TDRD12: variants seen among roughly 807,000 people sequenced by gnomAD.
TDRD12 encodes tudor domain containing 12.
TDRD12 carries 158 observed loss-of-function variants against 133.5 expected under a neutral mutation model. The observed-to-expected ratio is 1.18, with a 90% CI of 1.04 to 1.35. The LOEUF (loss-of-function observed/expected upper bound fraction) is 1.35, where lower values mean the gene tolerates loss of function less well. Among genes scored for constraint, TDRD12 ranks in the 40% most tolerant of loss-of-function variants. The pLI, the probability that TDRD12 is intolerant of heterozygous loss-of-function variation, is 0.00. For synonymous variants in TDRD12, 460 were observed against 477.9 expected, an observed-to-expected ratio of 0.96 and a Z score of 0.49; for missense variants, 1,443 against 1,321.3, an observed-to-expected ratio of 1.09 and a Z score of -1.43.
At chr19:32,791,102 A>G (rs1413046626) in intron 13 of TDRD12, 34 bp downstream of exon 13, 1 of 1,516,522 alleles carries the variant, frequency 6.6e-7, no homozygotes, top group African/African-American at 1.4e-5. Context: ...TTTATCAAGA[A>G]TGCCAACTTT....
Position 32,748,904 on chromosome 19 carries a change from T to C in TDRD12, c.496+373T>C, listed in dbSNP as rs531368158. On this transcript the variant is annotated intron_variant, in intron 5 of 27. Coordinates refer to ENST00000444215, the Ensembl canonical transcript of TDRD12. ...TTTTTAGTGAGCAAGAGATAGTAAA[T>C]GGATATTTATTGTGTAATATTCATT... is the stretch of plus-strand genomic sequence containing the variant. Among the ~76,000 whole-genome samples, 79 of 152,354 alleles carry C rather than the reference T, an allele frequency of 5.2e-4. 1 individual carries two copies. The South Asian group carries it at 0.016, about 30-fold the overall frequency.
intron 14 of TDRD12, among the ~76,000 whole-genome samples, chr19:32,795,434 T>C (rs1322084135): frequency 6.6e-6 from 1 of 151,756 alleles, no homozygotes. Context: ...AGTAGCAGCA[T>C]GAGATGGGCA....
chr19:32,789,839 TA>T (rs1185794800), intron 11 of TDRD12, among the ~76,000 whole-genome samples: 1 of 152,044 alleles, frequency 6.6e-6, no homozygotes, highest in Non-Finnish European at 1.5e-5. Flanking sequence ...CTGTCTCTAC[TA>T]AAAATACAGA....
At chr19:32,724,155 C>A (rs918762684) in intron 1 of TDRD12, among the ~76,000 whole-genome samples, 1 of 152,148 alleles carries the variant, frequency 6.6e-6, no homozygotes, top group African/African-American at 2.4e-5. Context: ...GCCACCACTC[C>A]CAGCCTTTTT....
chr19:32,733,953 G>A (rs899682816), intron 2 of TDRD12, among the ~76,000 whole-genome samples: 1 of 149,794 alleles, frequency 6.7e-6, no homozygotes, highest in Non-Finnish European at 1.5e-5. Context: ...GTACAGTGGC[G>A]CCATCTCTGC....
intron 6 of TDRD12, among the ~76,000 whole-genome samples, chr19:32,755,128 A>G (rs57263683): frequency 4.0e-5 from 6 of 151,862 alleles, no homozygotes; most frequent in Admixed American, 3.9e-4. Flanking sequence ...GTCCTCTTCC[A>G]TTGTGTGGAT....
exon 27 of TDRD12, chr19:32,818,104 G>A (rs1967245671): frequency 2.8e-6 from 2 of 702,864 alleles, no homozygotes; most frequent in Non-Finnish European, 5.2e-6. Flanking sequence ...GGGTGACAGG[G>A]ACCAGTCCTG....
At chr19:32,746,589 T>TGA (rs1969640884) in intron 4 of TDRD12, among the ~76,000 whole-genome samples, 2 of 83,716 alleles carry the variant, frequency 2.4e-5, no homozygotes, top group African/African-American at 9.5e-5. Flanking sequence ...AGAGAGAGAG[T>TGA]CTGGCTGATG....
intron 23 of TDRD12, 136 bp downstream of exon 23, chr19:32,810,413 T>C (rs1298739756): frequency 1.1e-5 from 7 of 666,176 alleles, no homozygotes; most frequent in Non-Finnish European, 1.7e-5. Flanking sequence ...TCCCCCCAGA[T>C]GCCTGCTCCA....
At chr19:32,774,002 G>A (rs956181228) in intron 10 of TDRD12, among the ~76,000 whole-genome samples, 6 of 152,194 alleles carry the variant, frequency 3.9e-5, no homozygotes, top group Non-Finnish European at 8.8e-5. Flanking sequence ...ATGGCCTCAC[G>A]TGGCCAGATG....
chr19:32,760,625 G>A (rs1970123841), intron 8 of TDRD12, among the ~76,000 whole-genome samples: 1 of 152,082 alleles, frequency 6.6e-6, no homozygotes. Flanking sequence ...TAAAATAATT[G>A]TGTATATTTT....
chr19:32,732,831 C>T (rs1223532696), intron 2 of TDRD12, among the ~76,000 whole-genome samples: 2 of 152,182 alleles, frequency 1.3e-5, no homozygotes, highest in African/African-American at 4.8e-5. Context: ...GTTTCCACGC[C>T]ATTGACTAAT....
At chr19:32,798,584 A>G (rs1971297128) in intron 16 of TDRD12, 149 bp downstream of exon 16, 1 of 519,700 alleles carries the variant, frequency 1.9e-6, no homozygotes, top group African/African-American at 1.9e-5. Context: ...TTAAGAAGAA[A>G]GAATGGTTAT....
intron 6 of TDRD12, among the ~76,000 whole-genome samples, chr19:32,753,965 CT>C (rs1350649566): frequency 1.3e-5 from 2 of 152,140 alleles, no homozygotes; most frequent in Non-Finnish European, 2.9e-5. Context: ...TGTATTTAGT[CT>C]TCACATTATG....
chr19:32,774,198 C>T (rs569764362), intron 10 of TDRD12, among the ~76,000 whole-genome samples: 1 of 152,334 alleles, frequency 6.6e-6, no homozygotes, highest in African/African-American at 2.4e-5. Flanking sequence ...GTGTCGTGGA[C>T]TTTATGCTGT....
At chr19:32,796,216 A>G (rs8110166) in intron 14 of TDRD12, 26,710 of 982,082 alleles carry the variant, frequency 0.027, 787 homozygotes, top group East Asian at 0.24. Flanking sequence ...AGCAGTAAGA[A>G]GACATAGGGT....
exon 3 of TDRD12, chr19:32,738,867 C>A: frequency 6.4e-7 from 1 of 1,551,122 alleles, no homozygotes; most frequent in African/African-American, 1.4e-5. Context: ...TGTGTGTGGT[C>A]TATTGTGAGG....
At chr19:32,722,868 C>T (rs962785141) in intron 1 of TDRD12, among the ~76,000 whole-genome samples, 1 of 151,758 alleles carries the variant, frequency 6.6e-6, no homozygotes, top group Non-Finnish European at 1.5e-5. Context: ...TTGGTAGAGA[C>T]GGGGTTTCAG....
intron 13 of TDRD12, among the ~76,000 whole-genome samples, chr19:32,792,280 A>G (rs1971095348): frequency 6.6e-6 from 1 of 152,132 alleles, no homozygotes; most frequent in South Asian, 2.1e-4. Context: ...TCTCAAGGAA[A>G]CAAACAATGC....
Sources: gnomAD v4.1 joint callset for allele counts (sites outside exome capture counted in the v4.1 genomes callset) on GRCh38, gnomAD v4.1.1 for gene constraint, MANE v1.5 for transcripts, NCBI Gene and HGNC (gene_info 2026-07-23, HGNC 2026-07-21) for gene names.